The following DPYSL5 variants were observed in gnomAD, a reference collection of about 807,000 sequenced individuals.
DPYSL5 encodes the protein dihydropyrimidinase like 5.
A neutral mutation model predicts 58.4 loss-of-function variants in DPYSL5; 9 were observed. The observed-to-expected ratio is 0.15, with a 90% CI of 0.09 to 0.27. DPYSL5 has a LOEUF of 0.27. Among genes scored for constraint, DPYSL5 ranks in the 10% least tolerant of loss-of-function variants. The pLI is 1.00. For synonymous variants in DPYSL5, 293 were observed against 301.9 expected (o/e 0.97, Z 0.31); for missense variants, 499 against 770.6 (o/e 0.65, Z 4.17).
chr2:26,931,664 G>A lies in DPYSL5; in HGVS notation c.694G>A (p.Val232Ile). The A allele has an allele frequency of 6.2e-7, 1 of 1,614,024 alleles. No homozygotes were observed. Among genetic ancestry groups the A allele is most frequent in the Non-Finnish European group, 8.5e-7 (1 of 1,179,964 alleles). The change falls in exon 6 of 13, where the codon GTT becomes ATT. Residue 232 changes from valine to isoleucine, a missense_variant. Physicochemically the swap from Val to Ile is conservative, Grantham distance 29. Transcript: ENST00000288699. ...EELEAEATHR[V>I]ITIANRTHCP... The stretch of plus-strand genomic sequence containing the variant: ...GCTGGAAGCTGAAGCCACTCATCGT[G>A]TTATCACCATTGCAAACAGGGTAAG...
chr2:26,849,384 G>T lies in DPYSL5; in HGVS notation c.-5+1130G>T, dbSNP rs554206717. Among the ~76,000 whole-genome samples, 6 of 152,144 alleles carry T rather than the reference G, an allele frequency of 3.9e-5. No individual in the cohort carries two copies. The East Asian group carries it at 1.2e-3, about 30-fold the overall frequency. On this transcript the variant is annotated intron_variant, in intron 1 of 12. Transcript: ENST00000288699. The surrounding 1 kb of genome is among the most constrained non-coding windows in gnomAD (Gnocchi z 6.2). Reference sequence around the variant, plus strand: ...GCAGCTGAGAGGCGGTCTCGGGCCCGAGGATCCTCAGCTCCAGGCGCGGGG... The same window carrying T: ...GCAGCTGAGAGGCGGTCTCGGGCCCTAGGATCCTCAGCTCCAGGCGCGGGG...
At chr2:26,853,989 G>C (rs2148103230) in intron 1 of DPYSL5, among the ~76,000 whole-genome samples, 1 of 151,962 alleles carries the variant, frequency 6.6e-6, no homozygotes, top group African/African-American at 2.4e-5. Flanking sequence ...GCAGTGAGCT[G>C]TGATTACACC....
Position 26,924,423 on chromosome 2 carries a change from C to T in DPYSL5, c.262-464C>T, listed in dbSNP as rs905528775. Reference sequence around the variant, plus strand: ...TTTTCTATATCGTGGTTCAAATATACGTGTGTAACTAAGTAAATGATATAA... The same window carrying T: ...TTTTCTATATCGTGGTTCAAATATATGTGTGTAACTAAGTAAATGATATAA... On this transcript the variant is annotated intron_variant, in intron 2 of 12. Coordinates refer to ENST00000288699, the MANE Select transcript of DPYSL5 (RefSeq NM_020134.4). The surrounding 1 kb of genome is among the most constrained non-coding windows in gnomAD (Gnocchi z 4.7). Among the ~76,000 whole-genome samples, 4 of 152,118 alleles carry T rather than the reference C, an allele frequency of 2.6e-5. No individual in the cohort carries two copies. The highest frequency in any genetic ancestry group is 2.1e-4 in the South Asian group (1 of 4,832).
rs70953833 is a variant in DPYSL5, at chr2:26,932,006, CAAAAAAAAA to C, written c.714+333_714+341del. On this transcript the variant is annotated intron_variant, in intron 6 of 12. Transcript: ENST00000288699. ...CCTGGGTGACTGAGCGAGACTCTGT[CAAAAAAAAA>C]AAAAAAAAAAGAAAGAAAAGAAAAG... 9.4e-5 allele frequency among the ~76,000 whole-genome samples: 4 copies of C among 42,554 alleles called. No homozygotes were observed. In the Admixed American group the frequency reaches 1.2e-3, roughly 13 times the overall value. 27.9% of individuals were successfully genotyped at this position (42,554 alleles called of 152,430 possible). A position where few individuals can be genotyped will look rare whatever the true frequency, so the allele number is the denominator to read the frequency against.
At chr2:26,918,244 G>A (rs1336912378) in intron 2 of DPYSL5, among the ~76,000 whole-genome samples, 4 of 151,980 alleles carry the variant, frequency 2.6e-5, no homozygotes, top group African/African-American at 9.7e-5. Flanking sequence ...GGCCTGGACA[G>A]TGGGCTTGTG....
intron 2 of DPYSL5, among the ~76,000 whole-genome samples, chr2:26,918,584 C>T (rs544689356): frequency 3.3e-5 from 5 of 152,128 alleles, no homozygotes; most frequent in South Asian, 2.1e-4. Flanking sequence ...CAGATCCATC[C>T]GAACAAATGA....
rs1665348772 is a variant in DPYSL5, at chr2:26,942,474, C to T, written c.1233-69C>T. ...TAACAACCAGCCTTTGGGGCTCACCCCTCCCATGGAGCTGTGACATTTTGA... is the reference window on the plus strand; with the variant it reads ...TAACAACCAGCCTTTGGGGCTCACCTCTCCCATGGAGCTGTGACATTTTGA... On this transcript the variant is annotated intron_variant, in intron 10 of 12. Coordinates refer to ENST00000288699, the MANE Select transcript of DPYSL5 (RefSeq NM_020134.4). This position sits in a 1 kb window ranked among gnomAD's most constrained non-coding sequence, Gnocchi z 5.9. 4.0e-6 allele frequency: 6 copies of T among 1,501,952 alleles called. No homozygotes were observed. In the South Asian group the frequency reaches 6.0e-5, roughly 15 times the overall value. 93.0% of individuals were successfully genotyped at this position (1,501,952 alleles called of 1,614,324 possible). A position where few individuals can be genotyped will look rare whatever the true frequency, so the allele number is the denominator to read the frequency against.
chr2:26,936,833 C>T (rs947472547), intron 8 of DPYSL5, among the ~76,000 whole-genome samples: 10 of 150,892 alleles, frequency 6.6e-5, no homozygotes, highest in African/African-American at 2.4e-4. Context: ...GTAATCCCAG[C>T]TACTCCAGAG....
At position 26,934,584 on chromosome 2, in the gene DPYSL5, T is replaced by C; in HGVS notation, c.797T>C (p.Val266Ala). 6.2e-7 allele frequency: 1 copy of C among 1,612,274 alleles called. No individual in the cohort carries two copies. ...VIAAAKMQGKVVLAETTTAHA... is the reference protein window; with the variant it reads ...VIAAAKMQGKAVLAETTTAHA... Reference sequence around the variant, plus strand: ...CTGACCTTTCTTCTTCCAGGGAAGGTTGTGCTGGCGGAGACCACCACTGCA... The same window carrying C: ...CTGACCTTTCTTCTTCCAGGGAAGGCTGTGCTGGCGGAGACCACCACTGCA... Residue 266 changes from valine (V) to alanine (A), a missense_variant, in exon 8 of 13, where the codon GTT (valine) becomes GCT (alanine). Val to Ala is a moderately conservative substitution (Grantham distance 64). This residue lies in a region of DPYSL5 where 404 missense variants were observed against 647.6 expected (regional missense o/e 0.62). Coordinates refer to ENST00000288699, the MANE Select transcript of DPYSL5 (RefSeq NM_020134.4). This position sits in a 1 kb window ranked among gnomAD's most constrained non-coding sequence, Gnocchi z 4.3.
At chr2:26,858,513 T>A (rs942215568) in intron 1 of DPYSL5, among the ~76,000 whole-genome samples, 1 of 152,072 alleles carries the variant, frequency 6.6e-6, no homozygotes, top group Non-Finnish European at 1.5e-5. Flanking sequence ...CTGCTTAAAC[T>A]CTGAGTCCCT....
intron 5 of DPYSL5, 109 bp downstream of exon 5, chr2:26,928,432 A>T (rs537215511): frequency 2.4e-6 from 3 of 1,228,162 alleles, no homozygotes; most frequent in Non-Finnish European, 2.3e-6. Flanking sequence ...ACAAGGGCTC[A>T]TGTCTGTAAT....
chr2:26,925,084 G>C lies in DPYSL5; in HGVS notation c.420+39G>C. The C allele has an allele frequency of 6.2e-7, 1 of 1,604,964 alleles. No homozygotes were observed. The highest frequency in any genetic ancestry group is 8.5e-7 in the Non-Finnish European group (1 of 1,174,610). ...TGGGATCCCAGAAGAAGGCACAAGT[G>C]GTCTTGTAGGCAGAGGGGCTGGTTG... On this transcript the variant is annotated intron_variant, in intron 3 of 12. Transcript: ENST00000288699. The surrounding 1 kb of genome is among the most constrained non-coding windows in gnomAD (Gnocchi z 4.5).
Position 26,927,132 on chromosome 2 carries a change from G to A in DPYSL5, c.421-121G>A. 2 of 1,013,760 alleles carry A rather than the reference G, an allele frequency of 2.0e-6. No homozygotes were observed. Among genetic ancestry groups the A allele is most frequent in the Non-Finnish European group, 2.8e-6 (2 of 703,300 alleles). 62.8% of individuals were successfully genotyped at this position (1,013,760 alleles called of 1,614,324 possible). A position where few individuals can be genotyped will look rare whatever the true frequency, so the allele number is the denominator to read the frequency against. On this transcript the variant is annotated intron_variant, in intron 3 of 12. Transcript: ENST00000288699. This position sits in a 1 kb window ranked among gnomAD's most constrained non-coding sequence, Gnocchi z 4.3. ...GAAAGTGAGATAGAGAGGTGTGGGG[G>A]GTCAACCGACAGACTGAGCTGGGGC...
intron 1 of DPYSL5, among the ~76,000 whole-genome samples, chr2:26,867,927 A>G (rs979186337): frequency 2.0e-5 from 3 of 152,154 alleles, no homozygotes; most frequent in African/African-American, 7.2e-5. Context: ...AGAAGGGTGC[A>G]ATAATTCACG....
chr2:26,860,597 A>C (rs992112518), intron 1 of DPYSL5, among the ~76,000 whole-genome samples: 2 of 152,242 alleles, frequency 1.3e-5, no homozygotes, highest in Admixed American at 6.5e-5. Flanking sequence ...CTGTTATTGC[A>C]GCACTATTTG....
intron 1 of DPYSL5, among the ~76,000 whole-genome samples, chr2:26,851,008 A>G (rs72850575): frequency 0.025 from 3,864 of 152,138 alleles, 159 homozygotes; most frequent in African/African-American, 0.088. Flanking sequence ...ACTATATTTT[A>G]CTAAATTATA....
At chr2:26,893,857 A>T in intron 1 of DPYSL5, among the ~76,000 whole-genome samples, 1 of 152,078 alleles carries the variant, frequency 6.6e-6, no homozygotes, top group East Asian at 1.9e-4. Context: ...TACTGCGTAT[A>T]AAAGTGGGCT....
rs375409822 is a variant in DPYSL5, at chr2:26,949,817, G to C, written c.*2822G>C. ...GCCCCCACCATGCACTCCTTGCCCC[G>C]TGCAGAGCTCCAGCCAGCTTCGTCA... On this transcript the variant is annotated 3_prime_UTR_variant, in exon 13 of 13. Coordinates refer to ENST00000288699, the MANE Select transcript of DPYSL5 (RefSeq NM_020134.4). 5 of 152,412 alleles carry C rather than the reference G, an allele frequency of 3.3e-5. No homozygotes were observed. The highest frequency in any genetic ancestry group is 1.2e-4 in the African/African-American group (5 of 41,432). The allele number at this position is 152,412 out of a possible 1,614,324, so 9.4% of individuals were successfully genotyped here.
chr2:26,853,861 A>C lies in DPYSL5; in HGVS notation c.-5+5607A>C, dbSNP rs557759962. 9.9e-5 allele frequency among the ~76,000 whole-genome samples: 15 copies of C among 152,240 alleles called. 1 individual carries two copies. The South Asian group carries it at 3.1e-3, about 32-fold the overall frequency. On this transcript the variant is annotated intron_variant, in intron 1 of 12. Coordinates refer to ENST00000288699, the MANE Select transcript of DPYSL5 (RefSeq NM_020134.4). ...ACCACCCAGCCTGGGAAACATAGGG[A>C]AACTCCATCTCTACAAAAGTTAAAA...
Sources: gnomAD v4.1 joint callset for allele counts (sites outside exome capture counted in the v4.1 genomes callset) on GRCh38, gnomAD v4.1.1 for gene constraint, gnomAD v4.1.1 regional missense constraint, Gnocchi (gnomAD v3.1) non-coding constraint, MANE v1.5 for transcripts, NCBI Gene and HGNC (gene_info 2026-07-23, HGNC 2026-07-21) for gene names.